TREML2: variants seen among roughly 807,000 people sequenced by gnomAD.
TREML2 encodes the protein triggering receptor expressed on myeloid cells like 2, also known as trem-like transcript 2 protein.
Under a neutral mutation model 25.9 loss-of-function variants are expected in TREML2, and 24 were observed. That is an observed-to-expected ratio of 0.93 (90% confidence interval 0.67 to 1.30). TREML2 has a LOEUF of 1.30. TREML2 is among the 50% of genes most tolerant of loss of function. The pLI is 0.00. For missense variants in TREML2, 359 were observed against 395.6 expected, an observed-to-expected ratio of 0.91 and a Z score of 0.78; for synonymous variants, 139 against 155.2, an observed-to-expected ratio of 0.90 and a Z score of 0.77.
Position 41,194,795 on chromosome 6 carries a change from C to T in TREML2, c.415G>A (p.Asp139Asn), listed in dbSNP as rs1766130686. The stretch of plus-strand genomic sequence containing the variant: ...ACAGTTCCACTCTTGAGGATGTTGT[C>T]CAGATGTGTGAAAGGAATGTTCCTC... ...TERNIPFTHL[D>N]NILKSGTVTT... The change falls in exon 3 of 5, where the codon GAC becomes AAC. Residue 139 changes from aspartate to asparagine, a missense_variant. By Grantham distance (23) the Asp-to-Asn change is conservative (BLOSUM62 1). Coordinates refer to ENST00000483722, the MANE Select transcript of TREML2 (RefSeq NM_024807.4). 4 of 1,592,388 alleles carry T rather than the reference C, an allele frequency of 2.5e-6. No homozygotes were observed.
chr6:41,194,715 C>A lies in TREML2; in HGVS notation c.495G>T (p.Val165=), dbSNP rs1248372173. 6.2e-7 allele frequency: 1 copy of A among 1,613,912 alleles called. No homozygotes were observed. Among genetic ancestry groups the A allele is most frequent in the Non-Finnish European group, 8.5e-7 (1 of 1,179,986 alleles). The change falls in exon 3 of 5, where the codon GTG becomes GTT. Residue 165 remains valine, a synonymous_variant. Coordinates refer to ENST00000483722, the MANE Select transcript of TREML2 (RefSeq NM_024807.4). The part of the protein sequence containing the change: ...SGPDAPFTTG[V]MVFTPGLITL... Reference sequence around the variant, plus strand: ...TGATGAGTCCTGGGGTGAACACCATCACACCAGTGGTAAAAGGGGCATCAG... The same window carrying A: ...TGATGAGTCCTGGGGTGAACACCATAACACCAGTGGTAAAAGGGGCATCAG...
At chr6:41,196,778 A>C (rs571655101) in intron 2 of TREML2, among the ~76,000 whole-genome samples, 54 of 152,204 alleles carry the variant, frequency 3.5e-4, no homozygotes, top group Non-Finnish European at 7.6e-4. Flanking sequence ...CTGGACTTTA[A>C]ACACTATCTT....
rs1382269843 is a variant in TREML2, at chr6:41,194,477, A to G, written c.733T>C (p.Cys245Arg). The G allele has an allele frequency of 2.5e-6, 4 of 1,609,448 alleles. No individual in the cohort carries two copies. In the South Asian group the frequency reaches 4.4e-5, roughly 18 times the overall value. Residue 245 changes from cysteine to arginine, a missense_variant, in exon 3 of 5, where the codon TGC becomes CGC. Cys to Arg is a radical substitution (Grantham distance 180). Transcript: ENST00000483722. ...TTGAGGAGAGATCTGCTGGTGAGGC[A>G]GAGCCCTGTGGTGGGCGATCTGGTG... ...LSTRSPTTGL[C>R]LTSRSLLNRL...
At chr6:41,197,282 C>T (rs1049387934) in intron 2 of TREML2, among the ~76,000 whole-genome samples, 1 of 152,164 alleles carries the variant, frequency 6.6e-6, no homozygotes, top group Non-Finnish European at 1.5e-5. Flanking sequence ...GTCATGACAG[C>T]TCTCTGAGCT....
At chr6:41,200,524 C>T (rs1470695670) in intron 1 of TREML2, among the ~76,000 whole-genome samples, 2 of 152,276 alleles carry the variant, frequency 1.3e-5, no homozygotes, top group East Asian at 1.9e-4. Context: ...ACACACTGGT[C>T]CCTTCAGGAC....
chr6:41,194,632 G>A lies in TREML2; in HGVS notation c.578C>T (p.Thr193Ile). The A allele has an allele frequency of 1.2e-6, 2 of 1,614,084 alleles. No individual in the cohort carries two copies. The highest frequency in any genetic ancestry group is 1.7e-6 in the Non-Finnish European group (2 of 1,179,982). ...TCCCTGGCTGGTGGTGCTGGTAGCAGTGAAGCTGTAGCCTGTCTTGGAGGC... is the reference window on the plus strand; with the variant it reads ...TCCCTGGCTGGTGGTGCTGGTAGCAATGAAGCTGTAGCCTGTCTTGGAGGC... ...RPASKTGYSFTATSTTSQGPR... is the reference protein window; with the variant it reads ...RPASKTGYSFIATSTTSQGPR... Residue 193 changes from threonine (T) to isoleucine (I), a missense_variant, in exon 3 of 5, where the codon ACT becomes ATT. By Grantham distance (89) the Thr-to-Ile change is moderately conservative (BLOSUM62 -1). Transcript: ENST00000483722.
In TREML2 at chr6:41,192,089, T is replaced by TGAG. The variant is rs539212426; in HGVS notation, c.*335_*337dup. 1.9e-4 allele frequency: 58 copies of TGAG among 304,950 alleles called. No individual in the cohort carries two copies. The South Asian group carries it at 2.8e-3, about 15-fold the overall frequency. The allele number at this position is 304,950 out of a possible 1,614,324, so 18.9% of individuals were successfully genotyped here. ...TAGGGTTTCTGAGGCAGACGGGAGCTGAGGTTCTCTGTAAACAGCACTCTC... is the reference window on the plus strand; with the variant it reads ...TAGGGTTTCTGAGGCAGACGGGAGCTGAGGAGGTTCTCTGTAAACAGCACTCTC... On this transcript the variant is annotated 3_prime_UTR_variant, in exon 5 of 5. Coordinates refer to ENST00000483722, the MANE Select transcript of TREML2 (RefSeq NM_024807.4).
chr6:41,196,049 T>C (rs1209309910), intron 2 of TREML2, among the ~76,000 whole-genome samples: 1 of 152,186 alleles, frequency 6.6e-6, no homozygotes, highest in East Asian at 1.9e-4. Flanking sequence ...TGACCAGAGT[T>C]TGTAGTTGGA....
rs761905050 is a variant in TREML2, at chr6:41,198,297, C to T, written c.188G>A (p.Cys63Tyr). Residue 63 changes from cysteine to tyrosine, a missense_variant, in exon 2 of 5, where the codon TGT becomes TAT. Physicochemically the swap from Cys to Tyr is radical, Grantham distance 194 (BLOSUM62 -2). Coordinates refer to ENST00000483722, the MANE Select transcript of TREML2 (RefSeq NM_024807.4). ...CCAGACTCGGGCAAAGCCAGGCTCA[C>T]ACTTCTTCTTCCTGATTTTGCACCA... ...KVWCKIRKKK[C>Y]EPGFARVWVK... 3.7e-6 allele frequency: 6 copies of T among 1,614,128 alleles called. No homozygotes were observed. Among genetic ancestry groups the T allele is most frequent in the Non-Finnish European group, 5.1e-6 (6 of 1,180,050 alleles).
chr6:41,191,125 T>A lies in TREML2; in HGVS notation c.*1302A>T, dbSNP rs1425828181. On this transcript the variant is annotated 3_prime_UTR_variant, in exon 5 of 5. Coordinates refer to ENST00000483722, the MANE Select transcript of TREML2 (RefSeq NM_024807.4). The stretch of plus-strand genomic sequence containing the variant: ...CAGGGTTCAATGCACAGTTGTCACA[T>A]TTATCCCCAGGTGCTATTCCAGTCA... 7 of 152,798 alleles carry A rather than the reference T, an allele frequency of 4.6e-5. No homozygotes were observed. Among genetic ancestry groups the A allele is most frequent in the African/African-American group, 1.7e-4 (7 of 40,912 alleles). The allele number at this position is 152,798 out of a possible 1,614,324, so 9.5% of individuals were successfully genotyped here.
rs1170979500 is a variant in TREML2 at position 41,192,525 on chromosome 6, G to A, written c.887-19C>T. 1.9e-6 allele frequency: 3 copies of A among 1,611,942 alleles called. No homozygotes were observed. Among genetic ancestry groups the A allele is most frequent in the Non-Finnish European group, 2.5e-6 (3 of 1,178,642 alleles). On this transcript the variant is annotated intron_variant, in intron 4 of 4. Coordinates refer to ENST00000483722, the MANE Select transcript of TREML2 (RefSeq NM_024807.4). ...CTGTAGCCTGCAAGAAACAGGGAGA[G>A]CTGAGGAAGTGTCCTGCCCTGCCCA...
intron 1 of TREML2, 22 bp downstream of exon 1, chr6:41,200,932 A>T: frequency 6.6e-7 from 1 of 1,526,362 alleles, no homozygotes; most frequent in Non-Finnish European, 8.8e-7. Flanking sequence ...CTCCTCCACA[A>T]GTCAGCCCCT....
intron 3 of TREML2, among the ~76,000 whole-genome samples, chr6:41,193,500 G>A (rs922502995): frequency 6.6e-6 from 1 of 151,926 alleles, no homozygotes; most frequent in African/African-American, 2.4e-5. Flanking sequence ...TCTCCCCGTT[G>A]GGATTAGGCT....
rs2113901723 is a variant in TREML2, at chr6:41,192,101, TA to T, written c.*325del. The T allele has an allele frequency of 2.9e-6, 1 of 342,110 alleles. No homozygotes were observed. The highest frequency in any genetic ancestry group is 5.5e-5 in the East Asian group (1 of 18,118). 21.2% of individuals were successfully genotyped at this position (342,110 alleles called of 1,614,324 possible). ...GGCAGACGGGAGCTGAGGTTCTCTG[TA>T]AACAGCACTCTCAGGGTTCCCCTGC... is the stretch of plus-strand genomic sequence containing the variant. On this transcript the variant is annotated 3_prime_UTR_variant, in exon 5 of 5. Coordinates refer to ENST00000483722, the MANE Select transcript of TREML2 (RefSeq NM_024807.4).
intron 2 of TREML2, among the ~76,000 whole-genome samples, chr6:41,195,090 GCCA>G (rs1479885397): frequency 6.6e-6 from 1 of 152,120 alleles, no homozygotes; most frequent in East Asian, 1.9e-4. Context: ...CCCGTGTCAG[GCCA>G]CCTGTTCCCT....
chr6:41,200,239 A>C (rs1937074510), intron 1 of TREML2, among the ~76,000 whole-genome samples: 2 of 152,248 alleles, frequency 1.3e-5, no homozygotes, highest in South Asian at 4.1e-4. Context: ...TTCTTAGCAC[A>C]AGAGAGACCC....
In TREML2 at chr6:41,198,173, C is replaced by T. The variant is rs765805059; in HGVS notation, c.312G>A (p.Trp104Ter). ...ALKLQDSGRY[W>*]CMRNTSGILY... ...GGATCCCAGAGGTGTTGCGCATGCA[C>T]CAGTATCGGCCTGAGTCCTGGAGCT... The change falls in exon 2 of 5, where the codon TGG becomes TGA. Residue 104 changes from tryptophan (W) to a stop codon, truncating the protein, a stop_gained. Coordinates refer to ENST00000483722, the MANE Select transcript of TREML2 (RefSeq NM_024807.4). LOFTEE classifies it high-confidence loss of function. 4 of 1,614,144 alleles carry T rather than the reference C, an allele frequency of 2.5e-6. No homozygotes were observed. The highest frequency in any genetic ancestry group is 2.5e-6 in the Non-Finnish European group (3 of 1,179,992).
At chr6:41,200,323 T>C (rs1766252192) in intron 1 of TREML2, among the ~76,000 whole-genome samples, 1 of 152,090 alleles carries the variant, frequency 6.6e-6, no homozygotes, top group Admixed American at 6.5e-5. Flanking sequence ...TTGGGATGGG[T>C]CTCCAGGGCA....
rs781110786 is a variant in TREML2, at chr6:41,198,104, C to G, written c.376+5G>C. ...CCCGTCCCAGAGCCACTGCAGCCTGCTCACCTGGAGACACATCCAGCTGGA... is the reference window on the plus strand; with the variant it reads ...CCCGTCCCAGAGCCACTGCAGCCTGGTCACCTGGAGACACATCCAGCTGGA... On this transcript the variant is annotated splice_donor_5th_base_variant and intron_variant, in intron 2 of 4. Transcript: ENST00000483722. 7.6e-6 allele frequency: 12 copies of G among 1,579,998 alleles called. No individual in the cohort carries two copies. Among genetic ancestry groups the G allele is most frequent in the Non-Finnish European group, 3.5e-6 (4 of 1,158,750 alleles).
Sources: gnomAD v4.1 joint callset for allele counts (sites outside exome capture counted in the v4.1 genomes callset) on GRCh38, gnomAD v4.1.1 for gene constraint, MANE v1.5 for transcripts, NCBI Gene and HGNC (gene_info 2026-07-23, HGNC 2026-07-21) for gene names.